The following STRN3 variants were observed in gnomAD, a reference collection of about 807,000 sequenced individuals.
STRN3 encodes striatin-3.
STRN3 carries 29 observed loss-of-function variants against 95.6 expected under a neutral mutation model. The ratio of observed to expected loss-of-function variants is 0.30; its 90% CI spans 0.23 to 0.41. The LOEUF is 0.41. Among genes scored for constraint, STRN3 ranks in the 10% least tolerant of loss-of-function variants. The pLI, the probability that STRN3 is intolerant of heterozygous loss-of-function variation, is 1.00. For synonymous variants in STRN3, 331 were observed against 357.6 expected, an observed-to-expected ratio of 0.93 and a Z score of 0.84; for missense variants, 890 against 972.1, an observed-to-expected ratio of 0.92 and a Z score of 1.12.
At chr14:30,904,959 AT>A (rs1290462283) in intron 15 of STRN3, among the ~76,000 whole-genome samples, 7 of 145,888 alleles carry the variant, frequency 4.8e-5, no homozygotes, top group Non-Finnish European at 1.0e-4. Flanking sequence ...AATTTCGTCA[AT>A]TAAAAAAAAA....
chr14:30,987,029 C>G (rs2139246317), intron 1 of STRN3, among the ~76,000 whole-genome samples: 1 of 152,158 alleles, frequency 6.6e-6, no homozygotes, highest in South Asian at 2.1e-4. Context: ...AATTTTGTTT[C>G]TTAATTTCAG....
At chr14:30,921,978 C>T (rs559031915) in intron 8 of STRN3, among the ~76,000 whole-genome samples, 239 of 152,216 alleles carry the variant, frequency 1.6e-3, no homozygotes, top group African/African-American at 5.1e-3. Flanking sequence ...TCTTGACCTC[C>T]TGGATTCAAG....
intron 5 of STRN3, among the ~76,000 whole-genome samples, chr14:30,938,085 A>AT (rs1174856560): frequency 6.7e-6 from 1 of 149,500 alleles, no homozygotes; most frequent in Admixed American, 6.7e-5. Flanking sequence ...GTATTATTTT[A>AT]TTTTTTAATT....
At chr14:31,023,144 G>C (rs929654250) in intron 1 of STRN3, among the ~76,000 whole-genome samples, 2 of 152,190 alleles carry the variant, frequency 1.3e-5, no homozygotes, top group African/African-American at 4.8e-5. Context: ...GCACTACTGT[G>C]AAGAAAGAAT....
intron 1 of STRN3, among the ~76,000 whole-genome samples, chr14:31,000,610 C>T (rs1882401217): frequency 6.6e-6 from 1 of 151,828 alleles, no homozygotes; most frequent in Non-Finnish European, 1.5e-5. Flanking sequence ...AAAAAGGTAT[C>T]TGATCTTCGG....
chr14:30,982,374 C>G (rs1240361307), intron 1 of STRN3, among the ~76,000 whole-genome samples: 2 of 152,198 alleles, frequency 1.3e-5, no homozygotes, highest in African/African-American at 4.8e-5. Flanking sequence ...GTGGCGCAAT[C>G]TCAGCTTACT....
intron 8 of STRN3, 139 bp from the exon 9 acceptor site, chr14:30,919,245 T>A (rs1205331152): frequency 2.3e-6 from 2 of 853,154 alleles, no homozygotes; most frequent in Non-Finnish European, 3.5e-6. Context: ...AAAGATGTCT[T>A]CCATTTTCCA....
At chr14:30,904,755 T>C (rs569252618) in intron 15 of STRN3, among the ~76,000 whole-genome samples, 2 of 151,830 alleles carry the variant, frequency 1.3e-5, no homozygotes, top group Non-Finnish European at 2.9e-5. Flanking sequence ...ACAAATTACT[T>C]ATGAAGTAAA....
At chr14:30,903,289 TGTAGA>T (rs1328445774) in intron 15 of STRN3, among the ~76,000 whole-genome samples, 3 of 152,104 alleles carry the variant, frequency 2.0e-5, no homozygotes, top group Admixed American at 6.6e-5. Context: ...TAGTTACCTA[TGTAGA>T]GTAATTAAAA....
chr14:30,981,324 T>C (rs1267658994), intron 1 of STRN3, among the ~76,000 whole-genome samples: 1 of 151,772 alleles, frequency 6.6e-6, no homozygotes, highest in Admixed American at 6.6e-5. Flanking sequence ...TCAAAATAAA[T>C]TAAAATAACA....
At chr14:30,971,795 AG>A (rs1238959877) in intron 1 of STRN3, among the ~76,000 whole-genome samples, 2 of 152,204 alleles carry the variant, frequency 1.3e-5, no homozygotes, top group Non-Finnish European at 2.9e-5. Flanking sequence ...GTAAATGGAA[AG>A]GAATAATAGC....
intron 1 of STRN3, chr14:31,014,848 GC>G: frequency 2.5e-6 from 1 of 396,090 alleles, no homozygotes. Flanking sequence ...TCACTCTGTT[GC>G]CCAGGCTGCA....
intron 1 of STRN3, among the ~76,000 whole-genome samples, chr14:31,006,904 G>C (rs1882744638): frequency 6.6e-6 from 1 of 151,480 alleles, no homozygotes; most frequent in African/African-American, 2.4e-5. Context: ...TTGAACCCAG[G>C]AAGTCCAGGC....
intron 8 of STRN3, among the ~76,000 whole-genome samples, chr14:30,925,677 A>G (rs1321879902): frequency 6.6e-6 from 1 of 152,202 alleles, no homozygotes; most frequent in African/African-American, 2.4e-5. Flanking sequence ...AGATAGCTAG[A>G]AAAAAAGGAT....
intron 16 of STRN3, among the ~76,000 whole-genome samples, chr14:30,898,989 A>G (rs185666682): frequency 2.6e-4 from 39 of 152,376 alleles, no homozygotes; most frequent in African/African-American, 7.9e-4. Context: ...AAATGGGGAT[A>G]ATAATAGTAC....
chr14:30,995,024 T>A (rs1882133518), intron 1 of STRN3, among the ~76,000 whole-genome samples: 2 of 152,206 alleles, frequency 1.3e-5, no homozygotes, highest in Admixed American at 1.3e-4. Flanking sequence ...ATGTTTAAGA[T>A]AAAATACTAA....
chr14:30,958,719 T>C (rs1029880247), intron 1 of STRN3, among the ~76,000 whole-genome samples: 1 of 152,230 alleles, frequency 6.6e-6, no homozygotes, highest in Admixed American at 6.5e-5. Flanking sequence ...GGGTTTCTGA[T>C]TGAGAAAGGC....
intron 1 of STRN3, among the ~76,000 whole-genome samples, chr14:31,020,158 G>A (rs2139352246): frequency 6.6e-6 from 1 of 152,292 alleles, no homozygotes; most frequent in Admixed American, 6.5e-5. Flanking sequence ...GGAACTTTAT[G>A]AGAATTAAAT....
chr14:30,922,866 G>C (rs957019618), intron 8 of STRN3, among the ~76,000 whole-genome samples: 2 of 115,312 alleles, frequency 1.7e-5, no homozygotes, highest in Non-Finnish European at 3.8e-5. Flanking sequence ...ACTGATTAGA[G>C]TATCAATCTG....
Sources: gnomAD v4.1 joint callset for allele counts (sites outside exome capture counted in the v4.1 genomes callset) on GRCh38, gnomAD v4.1.1 for gene constraint, MANE v1.5 for transcripts, NCBI Gene and HGNC (gene_info 2026-07-23, HGNC 2026-07-21) for gene names.